Variants in CPNE8 observed in about 807,000 individuals in gnomAD.
CPNE8 encodes the protein copine 8, also known as copine-8.
CPNE8 carries 45 observed loss-of-function variants against 81.5 expected under a neutral mutation model. The ratio of observed to expected loss-of-function variants is 0.55; its 90% CI spans 0.44 to 0.71. The LOEUF is 0.71. CPNE8 is among the 30% of genes least tolerant of loss of function. The probability of loss-of-function intolerance (pLI) is 0.00; values close to 1 mark genes in which losing one functional copy is unlikely to be tolerated. For synonymous variants in CPNE8, 252 were observed against 226.3 expected (o/e 1.11, Z -1.02); for missense variants, 594 against 672.1 (o/e 0.88, Z 1.28).
At chr12:38,831,577 T>G (rs1241331006) in intron 5 of CPNE8, among the ~76,000 whole-genome samples, 40 of 152,212 alleles carry the variant, frequency 2.6e-4, no homozygotes, top group African/African-American at 8.9e-4. Context: ...GGCCATACCT[T>G]CATTAAACTG....
chr12:38,672,561 C>T lies in CPNE8; in HGVS notation c.1433-1759G>A, dbSNP rs144858731. On this transcript the variant is annotated intron_variant, in intron 18 of 19. Transcript: ENST00000331366. ...GAGACAGATTTGCATTTCTTTCTAG[C>T]CATGGGAGACACAATGAAGTTAGAA... Among the ~76,000 whole-genome samples the T allele has an allele frequency of 1.0e-3, 158 of 152,262 alleles. 1 individual carries two copies. Among genetic ancestry groups the T allele is most frequent in the African/African-American group, 3.5e-3 (146 of 41,558 alleles).
chr12:38,811,707 A>C (rs1942938559), intron 6 of CPNE8, among the ~76,000 whole-genome samples: 1 of 152,124 alleles, frequency 6.6e-6, no homozygotes, highest in Admixed American at 6.6e-5. Flanking sequence ...ACAAACAAAC[A>C]AACCAAGGTT....
intron 19 of CPNE8, among the ~76,000 whole-genome samples, chr12:38,655,825 G>C (rs775359736): frequency 2.0e-5 from 3 of 152,002 alleles, no homozygotes; most frequent in Non-Finnish European, 4.4e-5. Context: ...TTACAAGGAA[G>C]CACATGTATG....
At chr12:38,792,961 T>A (rs1942360431) in intron 6 of CPNE8, among the ~76,000 whole-genome samples, 1 of 151,766 alleles carries the variant, frequency 6.6e-6, no homozygotes, top group Non-Finnish European at 1.5e-5. Context: ...TACACCACAT[T>A]AACAGAATAA....
intron 1 of CPNE8, among the ~76,000 whole-genome samples, chr12:38,893,734 A>G (rs1216979485): frequency 6.6e-6 from 1 of 152,110 alleles, no homozygotes; most frequent in African/African-American, 2.4e-5. Context: ...TCCTTTCCCT[A>G]TTACTTTTTC....
At chr12:38,715,495 G>T (rs1040400895) in intron 13 of CPNE8, among the ~76,000 whole-genome samples, 1 of 151,970 alleles carries the variant, frequency 6.6e-6, no homozygotes, top group Non-Finnish European at 1.5e-5. Context: ...TTTAACATAC[G>T]CAATTCAATA....
chr12:38,749,186 C>A (rs186730532), intron 10 of CPNE8, among the ~76,000 whole-genome samples: 239 of 152,246 alleles, frequency 1.6e-3, no homozygotes, highest in African/African-American at 5.3e-3. Flanking sequence ...AGTCTCCCTG[C>A]ACAAGTTACC....
intron 11 of CPNE8, 29 bp downstream of exon 11, chr12:38,730,254 A>G (rs764085022): frequency 8.9e-6 from 12 of 1,348,352 alleles, no homozygotes; most frequent in Non-Finnish European, 4.2e-6. Flanking sequence ...TTCTAGAAAA[A>G]AACAATGGTA....
chr12:38,685,528 C>T lies in CPNE8; in HGVS notation c.1233G>A (p.Gly411=). The T allele has an allele frequency of 6.2e-7, 1 of 1,613,418 alleles. No individual in the cohort carries two copies. The highest frequency in any genetic ancestry group is 8.5e-7 in the Non-Finnish European group (1 of 1,179,596). The change falls in exon 16 of 20, where the codon GGG becomes GGA. Residue 411 remains glycine (G), a synonymous_variant. Coordinates refer to ENST00000331366, the MANE Select transcript of CPNE8 (RefSeq NM_153634.3). The part of the protein sequence containing the change: ...YRSLKSVQLY[G]PTNFAPVINH... ...TAATTACAGGAGCAAAGTTGGTGGG[C>T]CCATATAGTTGTACAGATTTCAGAC...
intron 19 of CPNE8, among the ~76,000 whole-genome samples, chr12:38,658,182 A>G (rs1336072763): frequency 6.6e-6 from 1 of 152,204 alleles, no homozygotes. Context: ...TAACTAGAAT[A>G]AACAGCGTAG....
At chr12:38,721,281 CCTTCTGT>C (rs567301730) in intron 13 of CPNE8, 85 of 154,126 alleles carry the variant, frequency 5.5e-4, no homozygotes, top group Non-Finnish European at 9.3e-4. Flanking sequence ...CACTCCAGGC[CCTTCTGT>C]CTGCTAGGAG....
chr12:38,807,584 C>T (rs1345681058), intron 6 of CPNE8, among the ~76,000 whole-genome samples: 1 of 150,922 alleles, frequency 6.6e-6, no homozygotes, highest in Admixed American at 6.6e-5. Context: ...TTCCTTACAC[C>T]TTATACAAAA....
chr12:38,809,258 T>C (rs1266734680), intron 6 of CPNE8, among the ~76,000 whole-genome samples: 2 of 152,198 alleles, frequency 1.3e-5, no homozygotes, highest in Non-Finnish European at 2.9e-5. Flanking sequence ...TGTTCTTATC[T>C]GGAGGCTCAG....
intron 1 of CPNE8, among the ~76,000 whole-genome samples, chr12:38,879,739 A>T (rs990884258): frequency 1.3e-5 from 2 of 152,114 alleles, no homozygotes; most frequent in African/African-American, 4.8e-5. Context: ...CCTGTGTGTG[A>T]ATTTTAAAGT....
chr12:38,775,328 G>A (rs778357577), intron 7 of CPNE8, among the ~76,000 whole-genome samples: 1 of 152,114 alleles, frequency 6.6e-6, no homozygotes, highest in Non-Finnish European at 1.5e-5. Flanking sequence ...TTATCTAAAA[G>A]TTAAAAAGAC....
At chr12:38,784,600 G>T (rs1474088587) in intron 6 of CPNE8, among the ~76,000 whole-genome samples, 1 of 152,068 alleles carries the variant, frequency 6.6e-6, no homozygotes, top group Non-Finnish European at 1.5e-5. Context: ...AAAGGTTAAG[G>T]ATAAAGGAAG....
At chr12:38,864,057 CAAAAAAA>C (rs35534366) in intron 3 of CPNE8, among the ~76,000 whole-genome samples, 12 of 89,904 alleles carry the variant, frequency 1.3e-4, no homozygotes, top group African/African-American at 3.0e-4. Flanking sequence ...TCATCTCTCA[CAAAAAAA>C]AAAAAAAAAG....
chr12:38,856,509 C>A (rs144201293), intron 3 of CPNE8, among the ~76,000 whole-genome samples: 1 of 152,208 alleles, frequency 6.6e-6, no homozygotes, highest in African/African-American at 2.4e-5. Flanking sequence ...TCATCCTTGT[C>A]TATAATCCTC....
intron 5 of CPNE8, among the ~76,000 whole-genome samples, chr12:38,833,339 G>A (rs1375526521): frequency 3.2e-5 from 4 of 124,966 alleles, no homozygotes; most frequent in Non-Finnish European, 4.8e-5. Context: ...GCGACAGAGT[G>A]AGACCTTATC....
Sources: allele counts gnomAD v4.1 joint callset (sites outside exome capture counted in the v4.1 genomes callset), GRCh38; gene constraint gnomAD v4.1.1; transcripts MANE v1.5; gene names NCBI Gene and HGNC (gene_info 2026-07-23, HGNC 2026-07-21).